RALYL: variants seen among roughly 807,000 people sequenced by gnomAD.
RALYL encodes the protein RNA-binding Raly-like protein.
In RALYL, 29 loss-of-function variants were observed where a neutral mutation model predicts 35.1. The observed-to-expected ratio is 0.83, with a 90% CI of 0.61 to 1.13. RALYL has a LOEUF of 1.13. RALYL is among the 50% of genes most tolerant of loss of function. The pLI, the probability that RALYL is intolerant of heterozygous loss-of-function variation, is 0.00. For missense variants in RALYL, 359 were observed against 360.4 expected (o/e 1.00, Z 0.03); for synonymous variants, 120 against 127.6 (o/e 0.94, Z 0.40).
At chr8:84,479,911 A>G (rs1313134286) in intron 1 of RALYL, among the ~76,000 whole-genome samples, 2 of 152,178 alleles carry the variant, frequency 1.3e-5, no homozygotes, top group Non-Finnish European at 2.9e-5. Context: ...TCCAGCAGTA[A>G]GTTGTTAGAG....
At chr8:84,464,573 C>T (rs2051286090) in intron 1 of RALYL, among the ~76,000 whole-genome samples, 1 of 149,940 alleles carries the variant, frequency 6.7e-6, no homozygotes, top group African/African-American at 2.4e-5. Context: ...CAAGTCTTTG[C>T]TATTGTGAAT....
intron 2 of RALYL, among the ~76,000 whole-genome samples, chr8:84,535,966 A>G (rs1448863180): frequency 6.6e-6 from 1 of 152,210 alleles, no homozygotes; most frequent in Non-Finnish European, 1.5e-5. Flanking sequence ...AGGATAAACT[A>G]TATTAAAACA....
chr8:84,430,113 G>C (rs573860387), intron 1 of RALYL, among the ~76,000 whole-genome samples: 2 of 151,918 alleles, frequency 1.3e-5, no homozygotes, highest in Non-Finnish European at 2.9e-5. Flanking sequence ...TTTGTTGAGT[G>C]TGTAATTCCA....
chr8:84,337,880 A>C (rs375721568), intron 1 of RALYL, among the ~76,000 whole-genome samples: 3 of 152,226 alleles, frequency 2.0e-5, no homozygotes, highest in African/African-American at 7.2e-5. Flanking sequence ...TTTTCCTATA[A>C]GGAAGATAAT....
chr8:84,670,326 A>AAG (rs1286642130), intron 2 of RALYL, among the ~76,000 whole-genome samples: 5 of 152,204 alleles, frequency 3.3e-5, no homozygotes, highest in African/African-American at 1.2e-4. Context: ...CATTCAACTC[A>AAG]TATTGAACAC....
At chr8:84,646,509 T>G (rs961716508) in intron 2 of RALYL, among the ~76,000 whole-genome samples, 3 of 152,058 alleles carry the variant, frequency 2.0e-5, no homozygotes, top group Admixed American at 6.6e-5. Flanking sequence ...TGGGAAAAAT[T>G]TTCATCAGCT....
At chr8:84,240,253 T>G (rs1180518939) in intron 1 of RALYL, among the ~76,000 whole-genome samples, 1 of 152,214 alleles carries the variant, frequency 6.6e-6, no homozygotes, top group Non-Finnish European at 1.5e-5. Context: ...TTATTGTTTT[T>G]TAAAAATTAA....
At chr8:84,616,728 TA>T (rs1208339857) in intron 2 of RALYL, among the ~76,000 whole-genome samples, 2 of 151,310 alleles carry the variant, frequency 1.3e-5, no homozygotes, top group Non-Finnish European at 3.0e-5. Flanking sequence ...GTTTTAGGTC[TA>T]ACGTTTAAGT....
intron 1 of RALYL, among the ~76,000 whole-genome samples, chr8:84,245,062 A>G (rs778442409): frequency 6.6e-6 from 1 of 152,202 alleles, no homozygotes; most frequent in Non-Finnish European, 1.5e-5. Context: ...TATATGCTTC[A>G]TAGATGAGCA....
At chr8:84,244,379 A>C (rs984209175) in intron 1 of RALYL, among the ~76,000 whole-genome samples, 1 of 152,210 alleles carries the variant, frequency 6.6e-6, no homozygotes, top group Non-Finnish European at 1.5e-5. Flanking sequence ...AACAGTGTAC[A>C]TGAGGTTATA....
chr8:84,625,235 T>C (rs952183334), intron 2 of RALYL, among the ~76,000 whole-genome samples: 4 of 152,162 alleles, frequency 2.6e-5, no homozygotes, highest in Non-Finnish European at 5.9e-5. Context: ...CTGGGGCTAA[T>C]TGGGATGATG....
chr8:84,708,941 G>A (rs541584566), intron 2 of RALYL, among the ~76,000 whole-genome samples: 3 of 152,236 alleles, frequency 2.0e-5, no homozygotes, highest in Non-Finnish European at 2.9e-5. Context: ...AGTGTGAATC[G>A]AGTTTCAGAT....
chr8:84,652,701 G>T (rs1829096004), intron 2 of RALYL, among the ~76,000 whole-genome samples: 1 of 152,016 alleles, frequency 6.6e-6, no homozygotes, highest in Admixed American at 6.6e-5. Flanking sequence ...GGAGTAAGAG[G>T]TAAGGCTATG....
At chr8:84,296,356 G>C (rs534104721) in intron 1 of RALYL, among the ~76,000 whole-genome samples, 4 of 152,134 alleles carry the variant, frequency 2.6e-5, no homozygotes, top group African/African-American at 9.6e-5. Flanking sequence ...AGACTAAAAG[G>C]TTCCCAAGAA....
At chr8:84,907,633 T>A (rs1002500746) in intron 8 of RALYL, among the ~76,000 whole-genome samples, 1 of 152,118 alleles carries the variant, frequency 6.6e-6, no homozygotes, top group Non-Finnish European at 1.5e-5. Flanking sequence ...TTCATTGTAT[T>A]AGGGTTTCCA....
intron 1 of RALYL, among the ~76,000 whole-genome samples, chr8:84,455,726 G>T (rs2050064449): frequency 6.6e-6 from 1 of 151,950 alleles, no homozygotes; most frequent in Non-Finnish European, 1.5e-5. Flanking sequence ...TCAGTCTCTT[G>T]CTTTCAGGAT....
At chr8:84,237,080 A>C (rs1462620188) in intron 1 of RALYL, among the ~76,000 whole-genome samples, 1 of 152,232 alleles carries the variant, frequency 6.6e-6, no homozygotes, top group Admixed American at 6.5e-5. Context: ...TTTTCAAGCA[A>C]GCTTACAGAA....
chr8:84,506,442 A>G (rs114805905), intron 1 of RALYL, among the ~76,000 whole-genome samples: 42 of 152,156 alleles, frequency 2.8e-4, no homozygotes, highest in African/African-American at 9.6e-4. Context: ...TTTCTGTAAT[A>G]TAATTACTAT....
At chr8:84,477,433 C>A (rs2053554296) in intron 1 of RALYL, among the ~76,000 whole-genome samples, 1 of 148,908 alleles carries the variant, frequency 6.7e-6, no homozygotes, top group Non-Finnish European at 1.5e-5. Flanking sequence ...CTCATTATTT[C>A]TGCCATTGCA....
Sources: allele counts gnomAD v4.1 joint callset (sites outside exome capture counted in the v4.1 genomes callset), GRCh38; gene constraint gnomAD v4.1.1; transcripts MANE v1.5; gene names NCBI Gene and HGNC (gene_info 2026-07-23, HGNC 2026-07-21).